The following ZMAT4 variants were observed in gnomAD, a reference collection of about 807,000 sequenced individuals.
ZMAT4 encodes zinc finger matrin-type protein 4.
Under a neutral mutation model 28.7 loss-of-function variants are expected in ZMAT4, and 17 were observed. The observed-to-expected ratio is 0.59, with a 90% confidence interval of 0.41 to 0.89. The LOEUF is 0.89. ZMAT4 is among the 40% of genes least tolerant of loss of function. ZMAT4 has a pLI of 0.00. For missense variants in ZMAT4, 240 were observed against 283.8 expected, an observed-to-expected ratio of 0.85 and a Z score of 1.11; for synonymous variants, 117 against 109.2, an observed-to-expected ratio of 1.07 and a Z score of -0.44.
intron 1 of ZMAT4, among the ~76,000 whole-genome samples, chr8:40,894,482 A>G (rs1017523444): frequency 6.6e-6 from 1 of 152,118 alleles, no homozygotes; most frequent in Non-Finnish European, 1.5e-5. Flanking sequence ...CCCTACATGT[A>G]GGGTGAATGG....
chr8:40,681,855 T>C (rs769759243), intron 4 of ZMAT4, among the ~76,000 whole-genome samples: 2 of 152,048 alleles, frequency 1.3e-5, no homozygotes, highest in Non-Finnish European at 2.9e-5. Context: ...ATTTTAGTCA[T>C]CTATACTCTG....
intron 5 of ZMAT4, among the ~76,000 whole-genome samples, chr8:40,638,186 T>A (rs1806867640): frequency 6.6e-6 from 1 of 152,182 alleles, no homozygotes; most frequent in Non-Finnish European, 1.5e-5. Flanking sequence ...TATTGTATAT[T>A]TCAAAATGGT....
intron 3 of ZMAT4, among the ~76,000 whole-genome samples, chr8:40,724,640 A>G (rs768121873): frequency 4.9e-4 from 74 of 152,206 alleles, no homozygotes; most frequent in Non-Finnish European, 1.0e-3. Context: ...ACCTCAATGC[A>G]CTGTGATGGG....
At chr8:40,582,823 C>T (rs1408540379) in intron 5 of ZMAT4, among the ~76,000 whole-genome samples, 1 of 152,120 alleles carries the variant, frequency 6.6e-6, no homozygotes, top group Non-Finnish European at 1.5e-5. Context: ...TACGGGCTTG[C>T]TATTTTTACT....
At chr8:40,885,640 C>A (rs1241576822) in intron 1 of ZMAT4, among the ~76,000 whole-genome samples, 1 of 152,176 alleles carries the variant, frequency 6.6e-6, no homozygotes, top group African/African-American at 2.4e-5. Context: ...TCCTCCTGAG[C>A]AATCGTTTTA....
At chr8:40,749,796 G>A (rs545879902) in intron 3 of ZMAT4, among the ~76,000 whole-genome samples, 23 of 152,312 alleles carry the variant, frequency 1.5e-4, no homozygotes, top group African/African-American at 5.3e-4. Flanking sequence ...GATAAAAAAG[G>A]TGCTAGATTT....
chr8:40,622,101 T>TG (rs1259748791), intron 5 of ZMAT4, among the ~76,000 whole-genome samples: 6 of 152,348 alleles, frequency 3.9e-5, no homozygotes, highest in African/African-American at 1.4e-4. Context: ...TCCCAATACA[T>TG]GAAAGCACAA....
At chr8:40,824,565 G>A (rs556119139) in intron 2 of ZMAT4, among the ~76,000 whole-genome samples, 19 of 147,736 alleles carry the variant, frequency 1.3e-4, no homozygotes, top group Non-Finnish European at 2.2e-4. Flanking sequence ...ATCTTGGGAT[G>A]CCGCAGCACT....
At chr8:40,805,078 CA>C (rs1348955883) in intron 2 of ZMAT4, among the ~76,000 whole-genome samples, 2 of 151,350 alleles carry the variant, frequency 1.3e-5, no homozygotes, top group Non-Finnish European at 2.9e-5. Flanking sequence ...CCAGAATCTA[CA>C]ATGAACTCAA....
intron 6 of ZMAT4, among the ~76,000 whole-genome samples, chr8:40,577,875 A>G (rs566166804): frequency 6.6e-6 from 1 of 152,128 alleles, no homozygotes; most frequent in South Asian, 2.1e-4. Flanking sequence ...TCTTAGGAAT[A>G]AATCTAAATA....
chr8:40,694,617 C>G (rs563427197), intron 4 of ZMAT4, among the ~76,000 whole-genome samples: 10 of 152,116 alleles, frequency 6.6e-5, no homozygotes, highest in Non-Finnish European at 1.2e-4. Context: ...TGGGACACCC[C>G]CACAATGCCT....
intron 1 of ZMAT4, among the ~76,000 whole-genome samples, chr8:40,839,559 C>T (rs757312646): frequency 6.6e-6 from 1 of 152,158 alleles, no homozygotes; most frequent in Non-Finnish European, 1.5e-5. Flanking sequence ...GACAGTGAAT[C>T]GACCTAAATG....
At chr8:40,606,091 A>G (rs1805570320) in intron 5 of ZMAT4, among the ~76,000 whole-genome samples, 1 of 152,184 alleles carries the variant, frequency 6.6e-6, no homozygotes, top group Non-Finnish European at 1.5e-5. Flanking sequence ...AGTCTCTTGA[A>G]GACAGTGGAT....
At chr8:40,829,478 T>C (rs1200304870) in intron 1 of ZMAT4, among the ~76,000 whole-genome samples, 1 of 152,146 alleles carries the variant, frequency 6.6e-6, no homozygotes, top group Non-Finnish European at 1.5e-5. Flanking sequence ...ATAGCAGTGA[T>C]GGTGTGAGGC....
At chr8:40,862,584 T>A (rs868675776) in intron 1 of ZMAT4, among the ~76,000 whole-genome samples, 14,301 of 109,136 alleles carry the variant, frequency 0.13, 914 homozygotes, top group Middle Eastern at 0.17. Flanking sequence ...AAAAAAAAAT[T>A]AAAAAAAAAA....
chr8:40,720,340 G>A (rs1434664089), intron 3 of ZMAT4, among the ~76,000 whole-genome samples: 1 of 151,978 alleles, frequency 6.6e-6, no homozygotes, highest in Non-Finnish European at 1.5e-5. Context: ...TGGTTTTCTA[G>A]GACTCTTTAT....
At chr8:40,729,677 C>T (rs1369794901) in intron 3 of ZMAT4, among the ~76,000 whole-genome samples, 2 of 151,724 alleles carry the variant, frequency 1.3e-5, no homozygotes, top group Admixed American at 6.6e-5. Flanking sequence ...CCACTACAAC[C>T]TCCACCTCCC....
At chr8:40,779,936 C>T (rs1019554864) in intron 2 of ZMAT4, among the ~76,000 whole-genome samples, 2 of 152,126 alleles carry the variant, frequency 1.3e-5, no homozygotes, top group Non-Finnish European at 2.9e-5. Flanking sequence ...TGAAGGAAGC[C>T]CACTTTTGGC....
chr8:40,793,675 C>T (rs983479377), intron 2 of ZMAT4, among the ~76,000 whole-genome samples: 7 of 152,164 alleles, frequency 4.6e-5, no homozygotes, highest in African/African-American at 1.7e-4. Context: ...CAAGTAATGT[C>T]CCCAATGTTT....
Sources: gnomAD v4.1 joint callset for allele counts (sites outside exome capture counted in the v4.1 genomes callset) on GRCh38, gnomAD v4.1.1 for gene constraint, MANE v1.5 for transcripts, NCBI Gene and HGNC (gene_info 2026-07-23, HGNC 2026-07-21) for gene names.